Variants in KCNQ5 observed in about 807,000 individuals in gnomAD.
KCNQ5 encodes potassium voltage-gated channel subfamily KQT member 5.
KCNQ5 carries 30 observed loss-of-function variants against 98.2 expected under a neutral mutation model. That is an observed-to-expected ratio of 0.31 (90% CI 0.23 to 0.41). The LOEUF (loss-of-function observed/expected upper bound fraction) is 0.41. Ranked by LOEUF, KCNQ5 falls within the 10% of genes least tolerant of loss-of-function variation. The probability of loss-of-function intolerance (pLI) is 1.00; values close to 1 mark genes in which losing one functional copy is unlikely to be tolerated. For missense variants in KCNQ5, 835 were observed against 1,182.5 expected (o/e 0.71, Z 4.31); for synonymous variants, 458 against 449.4 (o/e 1.02, Z -0.24).
chr6:72,924,300 T>C (rs1353047206), intron 1 of KCNQ5, among the ~76,000 whole-genome samples: 1 of 152,158 alleles, frequency 6.6e-6, no homozygotes, highest in African/African-American at 2.4e-5. Flanking sequence ...CACACTGAAC[T>C]AATCACAGGA....
At chr6:73,094,099 A>C (rs560719439) in intron 5 of KCNQ5, among the ~76,000 whole-genome samples, 2 of 152,240 alleles carry the variant, frequency 1.3e-5, no homozygotes, top group Admixed American at 6.5e-5. Context: ...TGTTCAGTGC[A>C]TATACGTTTA....
chr6:72,952,981 C>G (rs1766878951), intron 1 of KCNQ5, among the ~76,000 whole-genome samples: 1 of 152,150 alleles, frequency 6.6e-6, no homozygotes, highest in Non-Finnish European at 1.5e-5. Flanking sequence ...CCTGAGGATC[C>G]AGTAATGTGC....
chr6:72,746,956 T>C (rs1771437375), intron 1 of KCNQ5, among the ~76,000 whole-genome samples: 1 of 152,180 alleles, frequency 6.6e-6, no homozygotes, highest in Non-Finnish European at 1.5e-5. Context: ...CAAAAGATTA[T>C]GTGTTACACT....
chr6:72,932,417 T>G (rs1765728621), intron 1 of KCNQ5, among the ~76,000 whole-genome samples: 1 of 152,194 alleles, frequency 6.6e-6, no homozygotes, highest in South Asian at 2.1e-4. Flanking sequence ...TATTTAGATT[T>G]TCTTTTTTAA....
intron 3 of KCNQ5, among the ~76,000 whole-genome samples, chr6:73,046,841 C>A (rs888718525): frequency 6.6e-6 from 1 of 151,974 alleles, no homozygotes; most frequent in African/African-American, 2.4e-5. Context: ...TAGGATTTCA[C>A]CGTGTTGGCC....
rs972672765 is a variant in KCNQ5 at position 72,674,404 on chromosome 6, T to A, written c.398+51817T>A. 2.6e-5 allele frequency among the ~76,000 whole-genome samples: 4 copies of A among 151,936 alleles called. No homozygotes were observed. The East Asian group carries it at 5.8e-4, about 22-fold the overall frequency. On this transcript the variant is annotated intron_variant, in intron 1 of 13. Transcript: ENST00000370398. ...GACAGGTACAACAAAACCTCAGAAA[T>A]CACCACTAAAGAACTTACTGTACCC...
intron 5 of KCNQ5, among the ~76,000 whole-genome samples, chr6:73,091,770 ATTTG>A (rs1481222132): frequency 7.9e-6 from 1 of 125,798 alleles, no homozygotes. Context: ...TTGTTGGTTT[ATTTG>A]TTTGTTTGTT....
At chr6:72,985,887 C>G (rs1299349566) in intron 1 of KCNQ5, among the ~76,000 whole-genome samples, 1 of 152,130 alleles carries the variant, frequency 6.6e-6, no homozygotes, top group Non-Finnish European at 1.5e-5. Flanking sequence ...CTATTCACAA[C>G]AGCAAAAATA....
intron 1 of KCNQ5, among the ~76,000 whole-genome samples, chr6:72,749,088 T>C (rs1159216698): frequency 6.6e-6 from 1 of 152,112 alleles, no homozygotes; most frequent in Admixed American, 6.6e-5. Flanking sequence ...AAATTACATA[T>C]TTATTTTCTT....
At chr6:72,843,363 C>T (rs909228404) in intron 1 of KCNQ5, among the ~76,000 whole-genome samples, 1 of 152,116 alleles carries the variant, frequency 6.6e-6, no homozygotes, top group Non-Finnish European at 1.5e-5. Flanking sequence ...GGTATCAGTA[C>T]CATGCTGTTT....
At chr6:73,117,267 A>C (rs1466583792) in intron 7 of KCNQ5, among the ~76,000 whole-genome samples, 1 of 152,248 alleles carries the variant, frequency 6.6e-6, no homozygotes, top group East Asian at 1.9e-4. Flanking sequence ...AGAGAGACCT[A>C]AGAACAAAAT....
At chr6:72,844,994 C>A (rs993321607) in intron 1 of KCNQ5, among the ~76,000 whole-genome samples, 1 of 152,122 alleles carries the variant, frequency 6.6e-6, no homozygotes, top group Non-Finnish European at 1.5e-5. Flanking sequence ...GCAGTTAAGT[C>A]CAAGAAACTA....
chr6:72,836,489 C>G (rs930704869), intron 1 of KCNQ5, among the ~76,000 whole-genome samples: 6 of 152,086 alleles, frequency 3.9e-5, no homozygotes, highest in Admixed American at 6.6e-5. Context: ...CCAGGCTCAT[C>G]ATACAGTGGC....
At chr6:72,820,214 T>C (rs567567414) in intron 1 of KCNQ5, among the ~76,000 whole-genome samples, 1 of 152,326 alleles carries the variant, frequency 6.6e-6, no homozygotes, top group East Asian at 1.9e-4. Context: ...GTAGAGGACC[T>C]CACGGTTCCA....
chr6:72,705,672 G>A (rs1769040935), intron 1 of KCNQ5, among the ~76,000 whole-genome samples: 1 of 151,432 alleles, frequency 6.6e-6, no homozygotes, highest in South Asian at 2.1e-4. Flanking sequence ...CTCTTCCCCT[G>A]TAGGATTTTG....
intron 1 of KCNQ5, among the ~76,000 whole-genome samples, chr6:72,943,207 G>A (rs1766386266): frequency 6.6e-6 from 1 of 152,156 alleles, no homozygotes; most frequent in South Asian, 2.1e-4. Context: ...GCTGAAAGAT[G>A]ATCGTGCCCT....
chr6:72,896,221 A>G (rs1185157380), intron 1 of KCNQ5, among the ~76,000 whole-genome samples: 1 of 152,190 alleles, frequency 6.6e-6, no homozygotes, highest in Non-Finnish European at 1.5e-5. Context: ...ATTTAACAGT[A>G]TTTAAACCAA....
intron 10 of KCNQ5, chr6:73,136,853 A>G (rs1441973900): frequency 6.6e-6 from 1 of 152,222 alleles, no homozygotes; most frequent in African/African-American, 2.4e-5. Context: ...TTACTACCAT[A>G]GAAAATAATA....
At chr6:72,782,628 T>A (rs1773546464) in intron 1 of KCNQ5, among the ~76,000 whole-genome samples, 2 of 152,204 alleles carry the variant, frequency 1.3e-5, no homozygotes, top group Admixed American at 1.3e-4. Flanking sequence ...TGGAAATGTT[T>A]CCTGCTCAGA....
Sources: allele counts gnomAD v4.1 joint callset (sites outside exome capture counted in the v4.1 genomes callset), GRCh38; gene constraint gnomAD v4.1.1; transcripts MANE v1.5; gene names NCBI Gene and HGNC (gene_info 2026-07-23, HGNC 2026-07-21).